Variants in ME3 observed in about 807,000 individuals in gnomAD.
ME3 encodes malic enzyme 3, also known as NADP-dependent malic enzyme, mitochondrial.
ME3 carries 48 observed loss-of-function variants against 68.9 expected under a neutral mutation model. The ratio of observed to expected loss-of-function variants is 0.70; its 90% CI spans 0.55 to 0.89. The LOEUF is 0.89. ME3 is among the 40% of genes least tolerant of loss of function. The pLI, the probability that ME3 is intolerant of heterozygous loss-of-function variation, is 0.00. For synonymous variants in ME3, 320 were observed against 318.8 expected (o/e 1.00, Z -0.04); for missense variants, 675 against 797.4 (o/e 0.85, Z 1.85).
chr11:86,548,467 C>T (rs1033627694), intron 4 of ME3, among the ~76,000 whole-genome samples: 5 of 152,168 alleles, frequency 3.3e-5, no homozygotes, highest in Non-Finnish European at 1.5e-5. Context: ...TCAAATAATC[C>T]ATGACAGATT....
At chr11:86,464,487 G>A (rs1950379169) in intron 8 of ME3, among the ~76,000 whole-genome samples, 1 of 152,216 alleles carries the variant, frequency 6.6e-6, no homozygotes, top group African/African-American at 2.4e-5. Flanking sequence ...AAGGCTCTGG[G>A]TTCTTGGTGT....
chr11:86,460,740 A>T (rs1950188367), intron 8 of ME3, among the ~76,000 whole-genome samples: 1 of 152,178 alleles, frequency 6.6e-6, no homozygotes, highest in Non-Finnish European at 1.5e-5. Context: ...GGTTCTGTGC[A>T]TGGAGATGCT....
At chr11:86,439,627 TAGGGCTGGCAAGATGTTC>T (rs542482257), downstream of ME3, among the ~76,000 whole-genome samples, 524 of 152,346 alleles carry the variant, frequency 3.4e-3, 5 homozygotes, top group African/African-American at 0.012. Flanking sequence ...CACATGTGCT[TAGGGCTGGCAAGATGTTC>T]AGTGTGGCTG....
chr11:86,453,070 C>T (rs1418018481), intron 8 of ME3, among the ~76,000 whole-genome samples: 1 of 151,040 alleles, frequency 6.6e-6, no homozygotes, highest in Non-Finnish European at 1.5e-5. Flanking sequence ...GTGATCTCGG[C>T]TCACTGCAAC....
intron 4 of ME3, among the ~76,000 whole-genome samples, chr11:86,541,821 G>A (rs759274477): frequency 6.6e-5 from 10 of 152,230 alleles, no homozygotes; most frequent in Non-Finnish European, 1.0e-4. Flanking sequence ...GCCTCCTCAA[G>A]TGGTTCCCTG....
At chr11:86,490,995 C>G (rs959505902) in intron 6 of ME3, among the ~76,000 whole-genome samples, 1 of 152,072 alleles carries the variant, frequency 6.6e-6, no homozygotes, top group East Asian at 1.9e-4. Flanking sequence ...ACAAGGGTGA[C>G]TATAAAAAGC....
At chr11:86,531,702 A>C (rs190890350) in intron 4 of ME3, among the ~76,000 whole-genome samples, 4 of 152,094 alleles carry the variant, frequency 2.6e-5, no homozygotes, top group Non-Finnish European at 4.4e-5. Flanking sequence ...CTTTGTAGGG[A>C]CATGGATGAA....
chr11:86,607,830 C>G (rs1275469729), intron 2 of ME3, among the ~76,000 whole-genome samples: 1 of 151,898 alleles, frequency 6.6e-6, no homozygotes, highest in Non-Finnish European at 1.5e-5. Flanking sequence ...ACGCCTACTC[C>G]CCGTTCGACA....
intron 2 of ME3, among the ~76,000 whole-genome samples, chr11:86,664,316 C>T (rs2135504771): frequency 6.6e-6 from 1 of 152,310 alleles, no homozygotes; most frequent in African/African-American, 2.4e-5. Context: ...TTTACAATAA[C>T]ATTCATGAGT....
chr11:86,603,024 G>A (rs1030881540), intron 2 of ME3, among the ~76,000 whole-genome samples: 1 of 152,118 alleles, frequency 6.6e-6, no homozygotes. Flanking sequence ...CATTACTTCA[G>A]GACATAGGCA....
rs58748596 is a variant in ME3 at position 86,475,878 on chromosome 11, G to T, written c.810-10678C>A. Among the ~76,000 whole-genome samples, 285 of 126,500 alleles carry T rather than the reference G, an allele frequency of 2.3e-3. 1 individual carries two copies. Among genetic ancestry groups the T allele is most frequent in the East Asian group, 6.0e-3 (27 of 4,494 alleles). The allele number at this position is 126,500 out of a possible 152,430, so 83.0% of individuals were successfully genotyped here. A position where few individuals can be genotyped will look rare whatever the true frequency, so the allele number is the denominator to read the frequency against. On this transcript the variant is annotated intron_variant, in intron 7 of 14. Coordinates refer to ENST00000543262, the Ensembl canonical transcript of ME3. ...ATATATATATATATATATATATAGA[G>T]AGAGAGAGAGAGAGAGAGAGAGAAA...
Position 86,446,507 on chromosome 11 carries a change from C to T in ME3, c.1381-20G>A, listed in dbSNP as rs1418646028. ...TCGGCCCTGGAGGCAGGAAGAAAACCAGAGATGAACTTGGAGATTGGTTTG... is the reference window on the plus strand; with the variant it reads ...TCGGCCCTGGAGGCAGGAAGAAAACTAGAGATGAACTTGGAGATTGGTTTG... On this transcript the variant is annotated intron_variant, in intron 12 of 14. Coordinates refer to ENST00000543262, the Ensembl canonical transcript of ME3. The T allele has an allele frequency of 1.2e-6, 2 of 1,613,270 alleles. No individual in the cohort carries two copies. The highest frequency in any genetic ancestry group is 1.7e-5 in the Admixed American group (1 of 59,988).
In ME3 at chr11:86,634,276, G is replaced by GC. The variant is rs1179791127; in HGVS notation, c.183+37485_183+37486insG. The stretch of plus-strand genomic sequence containing the variant: ...TGGGTTGTATGGAGCCAGAGCTTGG[G>GC]TTCATGTCTCTACATGGGTACCACA... On this transcript the variant is annotated intron_variant, in intron 2 of 14. Coordinates refer to ENST00000543262, the Ensembl canonical transcript of ME3. Among the ~76,000 whole-genome samples, 10 of 152,280 alleles carry GC rather than the reference G, an allele frequency of 6.6e-5. No individual in the cohort carries two copies. In the East Asian group the frequency reaches 1.9e-3, roughly 29 times the overall value.
chr11:86,670,736 A>G (rs897853058), intron 2 of ME3, among the ~76,000 whole-genome samples: 3 of 152,216 alleles, frequency 2.0e-5, no homozygotes, highest in Admixed American at 2.0e-4. Flanking sequence ...CCTGAATTTC[A>G]CAATCCAGAG....
chr11:86,662,592 G>C (rs1946351400), intron 2 of ME3, among the ~76,000 whole-genome samples: 1 of 152,046 alleles, frequency 6.6e-6, no homozygotes, highest in Non-Finnish European at 1.5e-5. Flanking sequence ...GTAAGACCCT[G>C]TCTGTAAAAA....
chr11:86,560,208 T>C (rs1025203549), intron 2 of ME3, among the ~76,000 whole-genome samples: 6 of 152,266 alleles, frequency 3.9e-5, no homozygotes, highest in East Asian at 1.9e-4. Context: ...TGGGACGTGA[T>C]TGGATCACAG....
chr11:86,655,567 C>A (rs1357054457), intron 2 of ME3, among the ~76,000 whole-genome samples: 1 of 152,064 alleles, frequency 6.6e-6, no homozygotes, highest in African/African-American at 2.4e-5. Flanking sequence ...GAAACTGGAT[C>A]GCTTCCTTAT....
chr11:86,598,888 G>A (rs1180199819), intron 2 of ME3, among the ~76,000 whole-genome samples: 1 of 152,160 alleles, frequency 6.6e-6, no homozygotes, highest in African/African-American at 2.4e-5. Flanking sequence ...GCAGGTGAGG[G>A]TCCTGTCTGT....
At chr11:86,595,947 C>T (rs1009102369) in intron 2 of ME3, among the ~76,000 whole-genome samples, 2 of 152,206 alleles carry the variant, frequency 1.3e-5, no homozygotes, top group African/African-American at 2.4e-5. Flanking sequence ...TCAGAATTTA[C>T]CTTCTGGGTT....
Sources: gnomAD v4.1 joint callset for allele counts (sites outside exome capture counted in the v4.1 genomes callset) on GRCh38, gnomAD v4.1.1 for gene constraint, MANE v1.5 for transcripts, NCBI Gene and HGNC (gene_info 2026-07-23, HGNC 2026-07-21) for gene names.